Variants in CPED1 observed in about 807,000 individuals in gnomAD.
The protein encoded by CPED1 is cadherin-like and PC-esterase domain-containing protein 1.
In CPED1, 114 loss-of-function variants were observed where a neutral mutation model predicts 128.2. That is an observed-to-expected ratio of 0.89 (90% CI 0.76 to 1.04). CPED1 has a LOEUF of 1.04. CPED1 is among the 50% of genes least tolerant of loss of function. CPED1 has a pLI of 0.00. For synonymous variants in CPED1, 462 were observed against 426.7 expected (o/e 1.08, Z -1.02); for missense variants, 1,211 against 1,207.1 (o/e 1.00, Z -0.05).
At position 121,295,734 on chromosome 7, in the gene CPED1, C is replaced by T. The variant is rs764584758; in HGVS notation, c.*82C>T. 3.7e-5 allele frequency: 44 copies of T among 1,180,554 alleles called. No individual in the cohort carries two copies. The African/African-American group carries it at 4.8e-4, about 13-fold the overall frequency. 73.1% of individuals were successfully genotyped at this position (1,180,554 alleles called of 1,614,324 possible). The stretch of plus-strand genomic sequence containing the variant: ...GGTCTAGGAGCCAAGCGCTGCACAT[C>T]GCACACATTTGGGATCGACCACACA... On this transcript the variant is annotated 3_prime_UTR_variant, in exon 23 of 23. Coordinates refer to ENST00000310396, the MANE Select transcript of CPED1 (RefSeq NM_024913.5).
Position 120,995,969 on chromosome 7 carries a change from C to T in CPED1, c.249+6099C>T, listed in dbSNP as rs6956380. Among the ~76,000 whole-genome samples the T allele has an allele frequency of 9.6e-3, 636 of 66,578 alleles. 3 individuals carry two copies. The highest frequency in any genetic ancestry group is 0.039 in the African/African-American group (612 of 15,852). 43.7% of individuals were successfully genotyped at this position (66,578 alleles called of 152,430 possible). On this transcript the variant is annotated intron_variant, in intron 2 of 22. Coordinates refer to ENST00000310396, the MANE Select transcript of CPED1 (RefSeq NM_024913.5). ...TTCTCCTCCTCCTCCTCCTCCTCCT[C>T]CTTCTTCTTCTTCTTCTTCTTCAAT...
chr7:121,056,752 C>T (rs1240636689), intron 4 of CPED1, among the ~76,000 whole-genome samples: 2 of 152,132 alleles, frequency 1.3e-5, no homozygotes, highest in Non-Finnish European at 2.9e-5. Flanking sequence ...GGTTTGCTCT[C>T]TAATTCTCTT....
intron 3 of CPED1, among the ~76,000 whole-genome samples, chr7:121,036,827 C>G (rs920368286): frequency 6.6e-6 from 1 of 151,968 alleles, no homozygotes; most frequent in Non-Finnish European, 1.5e-5. Flanking sequence ...TTGATTATGG[C>G]CATTCTTGCA....
At chr7:121,051,139 G>A (rs947714096) in intron 4 of CPED1, 6 of 526,960 alleles carry the variant, frequency 1.1e-5, no homozygotes, top group African/African-American at 3.9e-5. Flanking sequence ...TGCAGAAAAC[G>A]GGGAAATGAA....
intron 3 of CPED1, among the ~76,000 whole-genome samples, chr7:121,042,378 G>T (rs1464717557): frequency 2.6e-5 from 4 of 152,124 alleles, no homozygotes; most frequent in Non-Finnish European, 5.9e-5. Flanking sequence ...AAGACAAACA[G>T]ATGTACCAGA....
chr7:121,204,825 A>G (rs773728559), intron 16 of CPED1, among the ~76,000 whole-genome samples: 2 of 152,152 alleles, frequency 1.3e-5, no homozygotes, highest in Non-Finnish European at 2.9e-5. Context: ...AGAGGATTAT[A>G]TAGTCCTCTC....
At chr7:121,128,946 A>G (rs1263315029) in intron 11 of CPED1, among the ~76,000 whole-genome samples, 1 of 152,020 alleles carries the variant, frequency 6.6e-6, no homozygotes, top group Non-Finnish European at 1.5e-5. Flanking sequence ...TTATAACTCT[A>G]TATCAAACTT....
At chr7:121,178,747 G>A (rs1481526299) in intron 16 of CPED1, among the ~76,000 whole-genome samples, 2 of 152,100 alleles carry the variant, frequency 1.3e-5, no homozygotes, top group African/African-American at 4.8e-5. Context: ...AGCAAGAAGA[G>A]CTGACCTTGT....
chr7:121,013,934 G>T (rs1259649000), intron 2 of CPED1, among the ~76,000 whole-genome samples: 1 of 152,156 alleles, frequency 6.6e-6, no homozygotes, highest in East Asian at 1.9e-4. Context: ...CATGTCTTGG[G>T]ATAGACATTT....
chr7:121,144,600 G>A (rs1193282839), intron 16 of CPED1, among the ~76,000 whole-genome samples: 1 of 151,810 alleles, frequency 6.6e-6, no homozygotes, highest in African/African-American at 2.4e-5. Flanking sequence ...AAGGAATAAG[G>A]TCTAATGTTC....
chr7:121,126,323 G>A (rs2116319757), intron 9 of CPED1, among the ~76,000 whole-genome samples: 1 of 151,904 alleles, frequency 6.6e-6, no homozygotes, highest in Admixed American at 6.5e-5. Context: ...GGGAATTTTT[G>A]AATTTTTTTT....
intron 2 of CPED1, among the ~76,000 whole-genome samples, chr7:120,991,846 A>G (rs1279616685): frequency 6.6e-6 from 1 of 152,204 alleles, no homozygotes; most frequent in Non-Finnish European, 1.5e-5. Flanking sequence ...TAAATTTACA[A>G]TTATAGTTCA....
intron 3 of CPED1, among the ~76,000 whole-genome samples, chr7:121,039,127 T>G (rs1030369939): frequency 1.3e-5 from 2 of 152,114 alleles, no homozygotes; most frequent in Non-Finnish European, 2.9e-5. Flanking sequence ...CGTAACTGTT[T>G]TGGAATTCTT....
intron 5 of CPED1, among the ~76,000 whole-genome samples, chr7:121,078,498 G>GAAAAAAAAAAA (rs529856618): frequency 1.3e-4 from 13 of 101,876 alleles, no homozygotes; most frequent in Non-Finnish European, 1.5e-4. Flanking sequence ...AAGAAAGAAA[G>GAAAAAAAAAAA]AAAAAAAAAA....
chr7:121,035,890 G>A (rs1053035857), intron 3 of CPED1, among the ~76,000 whole-genome samples: 26 of 151,750 alleles, frequency 1.7e-4, no homozygotes, highest in Middle Eastern at 6.8e-3. Flanking sequence ...GGGTCTTTTC[G>A]TGGGAGATAA....
intron 22 of CPED1, among the ~76,000 whole-genome samples, chr7:121,294,300 G>A (rs1386583275): frequency 6.6e-6 from 1 of 152,022 alleles, no homozygotes; most frequent in Non-Finnish European, 1.5e-5. Flanking sequence ...TTAGTAGCTT[G>A]GGGTGAGGAA....
intron 16 of CPED1, among the ~76,000 whole-genome samples, chr7:121,199,725 A>AG (rs1797352903): frequency 7.3e-6 from 1 of 137,272 alleles, no homozygotes; most frequent in African/African-American, 2.7e-5. Flanking sequence ...AAGAAAAGAA[A>AG]AATACAAATA....
In CPED1 at chr7:121,206,480, A is replaced by G. The variant is rs997561993; in HGVS notation, c.2056-30234A>G. Among the ~76,000 whole-genome samples the G allele has an allele frequency of 4.1e-4, 63 of 152,174 alleles. 1 individual carries two copies. The highest frequency in any genetic ancestry group is 4.6e-4 in the Admixed American group (7 of 15,274). Reference sequence around the variant, plus strand: ...AAACAGCCATGATGACCTTTTAATAATGGTTGTTTTAATATTTTATTGTTT... The same window carrying G: ...AAACAGCCATGATGACCTTTTAATAGTGGTTGTTTTAATATTTTATTGTTT... On this transcript the variant is annotated intron_variant, in intron 16 of 22. Coordinates refer to ENST00000310396, the MANE Select transcript of CPED1 (RefSeq NM_024913.5).
At position 121,127,105 on chromosome 7, in the gene CPED1, A is replaced by T. The variant is rs747840111; in HGVS notation, c.1150A>T (p.Asn384Tyr). ...PVVLQVHEHL[N>Y]FQDYDNMDFE... ...TCTTTCAAAGGTACACGAGCATTTA[A>T]ATTTTCAAGATTATGATAATATGGA... Residue 384 changes from asparagine to tyrosine, a missense_variant, in exon 10 of 23, where the codon AAT (asparagine) becomes TAT (tyrosine). Asn to Tyr is a moderately radical substitution (Grantham distance 143, BLOSUM62 -2). Transcript: ENST00000310396. 6.3e-7 allele frequency: 1 copy of T among 1,590,910 alleles called. No individual in the cohort carries two copies. The highest frequency in any genetic ancestry group is 8.5e-7 in the Non-Finnish European group (1 of 1,171,144).
Sources: allele counts gnomAD v4.1 joint callset (sites outside exome capture counted in the v4.1 genomes callset), GRCh38; gene constraint gnomAD v4.1.1; transcripts MANE v1.5; gene names NCBI Gene and HGNC (gene_info 2026-07-23, HGNC 2026-07-21).